Variants in RHAG observed in about 807,000 individuals in gnomAD.
The protein encoded by RHAG is Rh associated glycoprotein.
A neutral mutation model predicts 42.4 loss-of-function variants in RHAG; 25 were observed. The ratio of observed to expected loss-of-function variants is 0.59; its 90% CI spans 0.43 to 0.82. The LOEUF is 0.82. RHAG is among the 40% of genes least tolerant of loss of function. The pLI is 0.00. For synonymous variants in RHAG, 182 were observed against 177.7 expected (o/e 1.02, Z -0.19); for missense variants, 483 against 504.6 (o/e 0.96, Z 0.41).
rs775068575 is a variant in RHAG at position 49,622,845 on chromosome 6, T to G, written c.158-3483A>C. Among the ~76,000 whole-genome samples the G allele has an allele frequency of 1.4e-3, 195 of 138,578 alleles. 4 individuals are homozygous for G. Among genetic ancestry groups the G allele is most frequent in the African/African-American group, 2.6e-3 (103 of 39,064 alleles). The allele number at this position is 138,578 out of a possible 152,430, so 90.9% of individuals were successfully genotyped here. A position where few individuals can be genotyped will look rare whatever the true frequency, so the allele number is the denominator to read the frequency against. ...GAAAACCAGACTTTTTTTTTTTTTG[T>G]TTTGTTTTGAGACGGAGTCTCGCTC... On this transcript the variant is annotated intron_variant, in intron 1 of 9. Transcript: ENST00000371175.
At chr6:49,623,403 G>A (rs903670138) in intron 1 of RHAG, among the ~76,000 whole-genome samples, 9 of 152,264 alleles carry the variant, frequency 5.9e-5, no homozygotes, top group Admixed American at 5.9e-4. Flanking sequence ...TTGTGGGTGG[G>A]GACCAGGGAG....
intron 3 of RHAG, 101 bp from the exon 4 acceptor site, chr6:49,615,872 A>C: frequency 8.3e-7 from 1 of 1,202,040 alleles, no homozygotes; most frequent in Non-Finnish European, 1.2e-6. Context: ...AAACAACTTA[A>C]AAAAATTAAA....
intron 1 of RHAG, among the ~76,000 whole-genome samples, chr6:49,623,116 G>A (rs1762791735): frequency 6.6e-6 from 1 of 152,178 alleles, no homozygotes; most frequent in African/African-American, 2.4e-5. Context: ...GGGACTACAG[G>A]CGTGAGCCAC....
Position 49,611,006 on chromosome 6 carries a change from A to T in RHAG, c.1067+18T>A. ...ATCATGGGACCACAGGGGCTGAAAA[A>T]CCCATTCTTTTACTCACGTGTTGGA... On this transcript the variant is annotated intron_variant, in intron 7 of 9. Transcript: ENST00000371175. 6.2e-7 allele frequency: 1 copy of T among 1,613,476 alleles called. No homozygotes were observed. The highest frequency in any genetic ancestry group is 8.5e-7 in the Non-Finnish European group (1 of 1,179,662).
chr6:49,632,912 A>C (rs1278850591), intron 1 of RHAG, among the ~76,000 whole-genome samples: 2 of 152,152 alleles, frequency 1.3e-5, no homozygotes, highest in Non-Finnish European at 2.9e-5. Flanking sequence ...GGTGACCAGC[A>C]CTTTGATAGG....
chr6:49,631,771 C>A (rs1359880615), intron 1 of RHAG: 1 of 152,314 alleles, frequency 6.6e-6, no homozygotes, highest in African/African-American at 2.4e-5. Flanking sequence ...GGCATCACAT[C>A]GGTTCTGCTA....
At chr6:49,620,672 C>T (rs1246540438) in intron 1 of RHAG, among the ~76,000 whole-genome samples, 3 of 152,098 alleles carry the variant, frequency 2.0e-5, no homozygotes, top group East Asian at 1.9e-4. Flanking sequence ...GCTGGGATTA[C>T]GGGCGCATGC....
intron 1 of RHAG, among the ~76,000 whole-genome samples, chr6:49,620,947 A>G (rs1026633141): frequency 6.6e-6 from 1 of 152,192 alleles, no homozygotes; most frequent in Non-Finnish European, 1.5e-5. Flanking sequence ...TTAAAAGTCC[A>G]TTAATTTGCC....
intron 7 of RHAG, among the ~76,000 whole-genome samples, chr6:49,608,599 A>G (rs991017090): frequency 2.0e-5 from 3 of 151,902 alleles, no homozygotes; most frequent in Non-Finnish European, 4.4e-5. Context: ...CTGGTCTCAA[A>G]CTCCTGACCT....
At chr6:49,619,397 T>A (rs750864043) in intron 1 of RHAG, 35 bp from the exon 2 acceptor site, 2 of 1,580,374 alleles carry the variant, frequency 1.3e-6, no homozygotes, top group Non-Finnish European at 1.7e-6. Flanking sequence ...ATCTGCATTA[T>A]GAGAGCATGA....
Position 49,605,788 on chromosome 6 carries a change from C to T in RHAG, c.*25G>A. On this transcript the variant is annotated 3_prime_UTR_variant, in exon 10 of 10. Transcript: ENST00000371175. ...TCAGGTTCCAGCTGGCTGTGGTCAC[C>T]ATGTCCATGGAACTGATTGTCAAGT... 6.2e-7 allele frequency: 1 copy of T among 1,610,852 alleles called. No homozygotes were observed. Among genetic ancestry groups the T allele is most frequent in the Non-Finnish European group, 8.5e-7 (1 of 1,177,140 alleles).
intron 1 of RHAG, among the ~76,000 whole-genome samples, chr6:49,626,865 A>G (rs1429552917): frequency 1.3e-5 from 2 of 152,246 alleles, no homozygotes; most frequent in Non-Finnish European, 2.9e-5. Context: ...ACCACATGTA[A>G]ACTGCCAGGA....
At chr6:49,633,830 A>T (rs1477291467) in intron 1 of RHAG, among the ~76,000 whole-genome samples, 1 of 152,112 alleles carries the variant, frequency 6.6e-6, no homozygotes, top group Non-Finnish European at 1.5e-5. Context: ...GTTTACAGCC[A>T]TGGCATTTTT....
intron 1 of RHAG, among the ~76,000 whole-genome samples, chr6:49,632,553 T>A (rs1762949261): frequency 6.6e-6 from 1 of 152,156 alleles, no homozygotes; most frequent in Non-Finnish European, 1.5e-5. Flanking sequence ...ATGTTATATA[T>A]GGAAATATGT....
At chr6:49,620,626 A>G (rs1977203) in intron 1 of RHAG, among the ~76,000 whole-genome samples, 143,868 of 152,036 alleles carry the variant, frequency 0.95, 68,099 homozygotes, top group East Asian at 1. Flanking sequence ...CCGCCTCCCA[A>G]GTTCAAGCAA....
chr6:49,605,605 A>G lies in RHAG; in HGVS notation c.*208T>C, dbSNP rs1478329731. 2 of 660,320 alleles carry G rather than the reference A, an allele frequency of 3.0e-6. No individual in the cohort carries two copies. Among genetic ancestry groups the G allele is most frequent in the East Asian group, 2.8e-5 (1 of 35,478 alleles). The allele number at this position is 660,320 out of a possible 1,614,324, so 40.9% of individuals were successfully genotyped here. A position where few individuals can be genotyped will look rare whatever the true frequency, so the allele number is the denominator to read the frequency against. ...TCAATTAATCATTGAAGAGCAAGAG[A>G]CAGCATCAGACATAAGGACATTTTT... On this transcript the variant is annotated 3_prime_UTR_variant, in exon 10 of 10. Transcript: ENST00000371175.
At chr6:49,620,300 A>G (rs2127354222) in intron 1 of RHAG, among the ~76,000 whole-genome samples, 1 of 152,338 alleles carries the variant, frequency 6.6e-6, no homozygotes, top group South Asian at 2.1e-4. Flanking sequence ...CATACGGTAA[A>G]GTATTATGCC....
At chr6:49,625,337 A>G (rs1037300356) in intron 1 of RHAG, among the ~76,000 whole-genome samples, 3 of 152,178 alleles carry the variant, frequency 2.0e-5, no homozygotes, top group Non-Finnish European at 4.4e-5. Flanking sequence ...TCATTTACCA[A>G]ACATTTGACC....
chr6:49,630,710 G>T (rs922661717), intron 1 of RHAG, among the ~76,000 whole-genome samples: 6 of 151,880 alleles, frequency 4.0e-5, no homozygotes, highest in Non-Finnish European at 5.9e-5. Flanking sequence ...TTCTGTGTTT[G>T]TGTGTGTGTG....
Sources: gnomAD v4.1 joint callset for allele counts (sites outside exome capture counted in the v4.1 genomes callset) on GRCh38, gnomAD v4.1.1 for gene constraint, MANE v1.5 for transcripts, NCBI Gene and HGNC (gene_info 2026-07-23, HGNC 2026-07-21) for gene names.